Variants in RGS7 observed in about 807,000 individuals in gnomAD.
RGS7 encodes the protein regulator of G-protein signaling 7.
RGS7 carries 27 observed loss-of-function variants against 81.1 expected under a neutral mutation model. The ratio of observed to expected loss-of-function variants is 0.33; its 90% CI spans 0.25 to 0.46. The LOEUF is 0.46. RGS7 is among the 20% of genes least tolerant of loss of function. The pLI, the probability that RGS7 is intolerant of heterozygous loss-of-function variation, is 1.00. For synonymous variants in RGS7, 208 were observed against 207.7 expected (o/e 1.00, Z -0.01); for missense variants, 396 against 607.4 (o/e 0.65, Z 3.66).
intron 2 of RGS7, among the ~76,000 whole-genome samples, chr1:241,243,895 C>T (rs1280704029): frequency 6.6e-6 from 1 of 152,046 alleles, no homozygotes; most frequent in African/African-American, 2.4e-5. Context: ...ATTCAAAGAA[C>T]ATTTTTTTTC....
chr1:240,849,596 C>T (rs1659722164), intron 9 of RGS7, among the ~76,000 whole-genome samples: 1 of 152,108 alleles, frequency 6.6e-6, no homozygotes, highest in African/African-American at 2.4e-5. Context: ...GGGTGGATCC[C>T]TCATGAATGG....
At chr1:240,863,095 T>G (rs1662539787) in intron 9 of RGS7, among the ~76,000 whole-genome samples, 1 of 152,258 alleles carries the variant, frequency 6.6e-6, no homozygotes, top group South Asian at 2.1e-4. Context: ...GCTAGGATTA[T>G]AGGCATGCAC....
intron 2 of RGS7, among the ~76,000 whole-genome samples, chr1:241,226,197 A>G (rs148072153): frequency 8.5e-5 from 13 of 152,366 alleles, no homozygotes; most frequent in African/African-American, 2.6e-4. Flanking sequence ...AGGAAAAGAA[A>G]AAAAGGAAAT....
intron 3 of RGS7, among the ~76,000 whole-genome samples, chr1:241,054,015 A>G (rs753254920): frequency 2.0e-4 from 30 of 152,196 alleles, no homozygotes; most frequent in Non-Finnish European, 1.5e-4. Flanking sequence ...GAATGCACTA[A>G]TATAACATCT....
Position 241,163,581 on chromosome 1 carries a change from G to A in RGS7, c.79-64819C>T, listed in dbSNP as rs1479730182. Reference sequence around the variant, plus strand: ...TTTACCATCTATTCTCTCTGAGGGCGGCTACCTGTGAGATTTCATCTACAT... The same window carrying A: ...TTTACCATCTATTCTCTCTGAGGGCAGCTACCTGTGAGATTTCATCTACAT... On this transcript the variant is annotated intron_variant, in intron 2 of 18. Coordinates refer to ENST00000440928, the MANE Select transcript of RGS7 (RefSeq NM_001364886.1). This position sits in a 1 kb window ranked among gnomAD's most constrained non-coding sequence, Gnocchi z 4.6. Among the ~76,000 whole-genome samples the A allele has an allele frequency of 2.8e-5, 4 of 141,904 alleles. No individual in the cohort carries two copies. Among genetic ancestry groups the A allele is most frequent in the Non-Finnish European group, 6.3e-5 (4 of 63,760 alleles). 93.1% of individuals were successfully genotyped at this position (141,904 alleles called of 152,430 possible).
intron 6 of RGS7, among the ~76,000 whole-genome samples, chr1:240,899,545 G>T (rs1457027255): frequency 6.6e-6 from 1 of 152,176 alleles, no homozygotes; most frequent in African/African-American, 2.4e-5. Flanking sequence ...CACTTAGGAA[G>T]CTTAGTTTGG....
At chr1:240,962,556 C>A (rs939608090) in intron 4 of RGS7, among the ~76,000 whole-genome samples, 2 of 152,148 alleles carry the variant, frequency 1.3e-5, no homozygotes, top group Non-Finnish European at 2.9e-5. Context: ...AGTCAGTAGT[C>A]TATTTAATAG....
intron 2 of RGS7, among the ~76,000 whole-genome samples, chr1:241,278,298 A>G (rs1041415512): frequency 1.1e-4 from 16 of 152,228 alleles, no homozygotes; most frequent in Non-Finnish European, 2.4e-4. Flanking sequence ...AAATGAACAT[A>G]AGCCAGTATT....
At chr1:241,355,415 C>T (rs1420547118) in intron 2 of RGS7, among the ~76,000 whole-genome samples, 1 of 152,132 alleles carries the variant, frequency 6.6e-6, no homozygotes, top group Non-Finnish European at 1.5e-5. Flanking sequence ...TGTATAACAA[C>T]CAAAATATCT....
chr1:241,258,695 T>C (rs1006282634), intron 2 of RGS7, among the ~76,000 whole-genome samples: 1 of 152,164 alleles, frequency 6.6e-6, no homozygotes, highest in Non-Finnish European at 1.5e-5. Context: ...CAGGTTCTAA[T>C]TGAACTGATT....
At chr1:241,243,241 C>T (rs1374819348) in intron 2 of RGS7, among the ~76,000 whole-genome samples, 1 of 152,172 alleles carries the variant, frequency 6.6e-6, no homozygotes, top group African/African-American at 2.4e-5. Flanking sequence ...TCCTCTCCGT[C>T]CAGAGCCAAA....
chr1:240,920,121 T>C (rs1673253938), intron 6 of RGS7: 2 of 906,666 alleles, frequency 2.2e-6, no homozygotes, highest in Middle Eastern at 3.3e-4. Context: ...TGACTATGAC[T>C]CCGTGGATAA....
intron 3 of RGS7, among the ~76,000 whole-genome samples, chr1:240,989,275 TAAA>T (rs879360828): frequency 2.9e-5 from 4 of 138,264 alleles, no homozygotes; most frequent in African/African-American, 1.1e-4. Flanking sequence ...CTGTCTCTAC[TAAA>T]AAAAAAAAAA....
At chr1:241,098,430 T>A (rs2064456687) in intron 3 of RGS7, among the ~76,000 whole-genome samples, 1 of 152,266 alleles carries the variant, frequency 6.6e-6, no homozygotes, top group African/African-American at 2.4e-5. Context: ...TTGTTTTACT[T>A]CGCATTTGTT....
intron 4 of RGS7, among the ~76,000 whole-genome samples, chr1:240,940,407 G>A (rs1436634582): frequency 6.6e-6 from 1 of 152,142 alleles, no homozygotes; most frequent in East Asian, 1.9e-4. Flanking sequence ...GAGCTTAGGG[G>A]GGTTGCAGAT....
chr1:241,034,790 C>T (rs567988472), intron 3 of RGS7, among the ~76,000 whole-genome samples: 1 of 152,188 alleles, frequency 6.6e-6, no homozygotes, highest in South Asian at 2.1e-4. Context: ...GTGAGAGCGC[C>T]ATCATACTAA....
intron 3 of RGS7, among the ~76,000 whole-genome samples, chr1:241,075,046 T>C (rs759219773): frequency 3.9e-5 from 6 of 152,178 alleles, no homozygotes; most frequent in Non-Finnish European, 7.3e-5. Context: ...CTGACCAGAA[T>C]GTTAAGAGAA....
rs561017710 is a variant in RGS7, at chr1:241,160,743, C to T, written c.79-61981G>A. ...TGGCGATTCGCCAGTTTGATATCTA[C>T]GTTGCCCTGGGGTTATGGAAGAAGC... is the stretch of plus-strand genomic sequence containing the variant. On this transcript the variant is annotated intron_variant, in intron 2 of 18. Coordinates refer to ENST00000440928, the MANE Select transcript of RGS7 (RefSeq NM_001364886.1). 6.8e-4 allele frequency among the ~76,000 whole-genome samples: 104 copies of T among 152,270 alleles called. 1 individual carries two copies. Among genetic ancestry groups the T allele is most frequent in the African/African-American group, 2.4e-3 (99 of 41,564 alleles).
intron 18 of RGS7, among the ~76,000 whole-genome samples, chr1:240,794,926 TAA>T (rs386641112): frequency 0.019 from 2,952 of 152,288 alleles, 98 homozygotes; most frequent in African/African-American, 0.067. Flanking sequence ...CTCATGCTTG[TAA>T]TCCCAGCACT....
Sources: gnomAD v4.1 joint callset for allele counts (sites outside exome capture counted in the v4.1 genomes callset) on GRCh38, gnomAD v4.1.1 for gene constraint, Gnocchi (gnomAD v3.1) non-coding constraint, MANE v1.5 for transcripts, NCBI Gene and HGNC (gene_info 2026-07-23, HGNC 2026-07-21) for gene names.